Variants in SLC17A5 observed in about 807,000 individuals in gnomAD.
SLC17A5 encodes sialin.
Under a neutral mutation model 59.4 loss-of-function variants are expected in SLC17A5, and 47 were observed. The observed-to-expected ratio is 0.79, with a 90% CI of 0.63 to 1.01. The LOEUF is 1.01. SLC17A5 is among the 50% of genes least tolerant of loss of function. The probability of loss-of-function intolerance (pLI) is 0.00; values close to 1 mark genes in which losing one functional copy is unlikely to be tolerated. For missense variants in SLC17A5, 522 were observed against 595.5 expected (o/e 0.88, Z 1.28); for synonymous variants, 202 against 210.7 (o/e 0.96, Z 0.36).
intron 10 of SLC17A5, among the ~76,000 whole-genome samples, chr6:73,598,295 A>G (rs1382402335): frequency 6.6e-6 from 1 of 152,234 alleles, no homozygotes; most frequent in Non-Finnish European, 1.5e-5. Flanking sequence ...ATTTATTTAT[A>G]TGCTGACTCA....
intron 6 of SLC17A5, among the ~76,000 whole-genome samples, chr6:73,626,622 T>C (rs1029315859): frequency 6.6e-6 from 1 of 152,310 alleles, no homozygotes. Context: ...GAACTTTCCA[T>C]GATGATGGAA....
At chr6:73,639,312 G>A (rs1581985743) in intron 3 of SLC17A5, among the ~76,000 whole-genome samples, 1 of 152,120 alleles carries the variant, frequency 6.6e-6, no homozygotes, top group Non-Finnish European at 1.5e-5. Context: ...ACTTCAAGGC[G>A]GTTGCATAAT....
intron 1 of SLC17A5, among the ~76,000 whole-genome samples, chr6:73,648,842 C>G (rs1200593399): frequency 6.6e-6 from 1 of 151,880 alleles, no homozygotes; most frequent in African/African-American, 2.4e-5. Flanking sequence ...AAAGCAGCAG[C>G]ATGTACAGAG....
Position 73,595,097 on chromosome 6 carries a change from G to T in SLC17A5, c.1468C>A (p.His490Asn), listed in dbSNP as rs745377361. 3.7e-6 allele frequency: 6 copies of T among 1,614,112 alleles called. No individual in the cohort carries two copies. The highest frequency in any genetic ancestry group is 5.1e-6 in the Non-Finnish European group (6 of 1,179,998). ...GEVQNWALNDHHGHRH is the reference protein window; with the variant it reads ...GEVQNWALNDNHGHRH ...TTCCTTCAGTGTCTGTGTCCATGGT[G>T]ATCATTGAGAGCCCAGTTTTGTACT... The change falls in exon 11 of 11, where the codon CAC becomes AAC. Residue 490 changes from histidine to asparagine, a missense_variant. Coordinates refer to ENST00000355773, the MANE Select transcript of SLC17A5 (RefSeq NM_012434.5).
rs545501401 is a variant in SLC17A5 at position 73,622,526 on chromosome 6, T to C, written c.820-564A>G. Among the ~76,000 whole-genome samples the C allele has an allele frequency of 1.2e-4, 18 of 152,250 alleles. No individual in the cohort carries two copies. The South Asian group carries it at 3.7e-3, about 32-fold the overall frequency. ...CATGTTGGTTAGGCTGGTCTTGAAC[T>C]CCTGACTGCAAGTGATCCGACCCAA... On this transcript the variant is annotated intron_variant, in intron 6 of 10. Transcript: ENST00000355773.
intron 6 of SLC17A5, among the ~76,000 whole-genome samples, chr6:73,629,384 T>G (rs907694974): frequency 6.6e-6 from 1 of 151,718 alleles, no homozygotes; most frequent in Admixed American, 6.6e-5. Context: ...AGAACCAGAC[T>G]TTGTGTCAAA....
At chr6:73,632,435 T>A (rs972809220) in intron 6 of SLC17A5, among the ~76,000 whole-genome samples, 3 of 53,854 alleles carry the variant, frequency 5.6e-5, no homozygotes, top group Non-Finnish European at 9.6e-5. Flanking sequence ...TAGAGAAAGC[T>A]TTTTTTTTTT....
intron 10 of SLC17A5, among the ~76,000 whole-genome samples, chr6:73,596,724 C>T (rs1766821675): frequency 6.6e-6 from 1 of 152,034 alleles, no homozygotes; most frequent in Non-Finnish European, 1.5e-5. Flanking sequence ...GGCGTGGTGG[C>T]TGGTGCCTGT....
chr6:73,640,763 G>A (rs371003102), intron 3 of SLC17A5, among the ~76,000 whole-genome samples: 4 of 152,112 alleles, frequency 2.6e-5, no homozygotes, highest in Middle Eastern at 3.4e-3. Context: ...CAAAAGAAAA[G>A]TGGGAAGGAA....
chr6:73,653,648 G>A, intron 1 of SLC17A5, 145 bp downstream of exon 1: 1 of 987,450 alleles, frequency 1.0e-6, no homozygotes, highest in Non-Finnish European at 1.5e-6. Context: ...CACTCTGAAC[G>A]GGCTCCCCTC....
chr6:73,599,407 A>G (rs1766956913), intron 10 of SLC17A5, among the ~76,000 whole-genome samples: 2 of 152,246 alleles, frequency 1.3e-5, no homozygotes, highest in South Asian at 4.1e-4. Flanking sequence ...CATTAAACAA[A>G]TGCTGTAACA....
At chr6:73,641,409 C>A (rs528883558) in intron 3 of SLC17A5, among the ~76,000 whole-genome samples, 1 of 152,244 alleles carries the variant, frequency 6.6e-6, no homozygotes, top group South Asian at 2.1e-4. Flanking sequence ...GGTTTATTTT[C>A]TTCTCTCCTA....
chr6:73,603,816 C>T (rs2150080815), intron 9 of SLC17A5, among the ~76,000 whole-genome samples: 1 of 152,134 alleles, frequency 6.6e-6, no homozygotes, highest in South Asian at 2.1e-4. Flanking sequence ...TTCACATAAT[C>T]TTATACCTCC....
intron 1 of SLC17A5, among the ~76,000 whole-genome samples, chr6:73,651,009 G>C (rs1331119952): frequency 2.0e-5 from 3 of 152,150 alleles, no homozygotes; most frequent in African/African-American, 7.2e-5. Flanking sequence ...CAGTAAATCA[G>C]GAGGGCAGAA....
chr6:73,601,845 C>A (rs1422497330), intron 9 of SLC17A5, among the ~76,000 whole-genome samples: 73 of 148,996 alleles, frequency 4.9e-4, no homozygotes, highest in African/African-American at 1.6e-3. Context: ...CGGCCAGCCG[C>A]CCCGTCCGGG....
At chr6:73,643,448 C>A (rs1409254235) in intron 2 of SLC17A5, among the ~76,000 whole-genome samples, 1 of 150,852 alleles carries the variant, frequency 6.6e-6, no homozygotes, top group Non-Finnish European at 1.5e-5. Context: ...GTGTGAGCCA[C>A]CGCGCCCGGC....
rs80338795 is a variant in SLC17A5 at position 73,641,810 on chromosome 6, T to C, written c.406A>G (p.Lys136Glu). 141 of 1,614,010 alleles carry C rather than the reference T, an allele frequency of 8.7e-5. No homozygotes were observed. The highest frequency in any genetic ancestry group is 1.6e-4 in the Middle Eastern group (1 of 6,062). Residue 136 changes from lysine (K) to glutamate (E), a missense_variant, in exon 3 of 11, where the codon AAA becomes GAA. Coordinates refer to ENST00000355773, the MANE Select transcript of SLC17A5 (RefSeq NM_012434.5). ...GGYVASKIGG[K>E]MLLGFGILGT... ...AGGATCCCAAATCCTAGCAGCATTT[T>C]CCCCCCTATTTTGCTGGCAACATAT...
chr6:73,627,163 A>C (rs1768462166), intron 6 of SLC17A5, among the ~76,000 whole-genome samples: 2 of 146,882 alleles, frequency 1.4e-5, no homozygotes, highest in Non-Finnish European at 1.5e-5. Flanking sequence ...TGCAACCTCC[A>C]CCTCCCAGGT....
intron 8 of SLC17A5, among the ~76,000 whole-genome samples, chr6:73,613,523 G>A (rs1423651243): frequency 3.9e-5 from 6 of 151,996 alleles, no homozygotes; most frequent in Non-Finnish European, 7.4e-5. Context: ...TTGCCACCAC[G>A]CCCAGCTAAT....
Sources: gnomAD v4.1 joint callset for allele counts (sites outside exome capture counted in the v4.1 genomes callset) on GRCh38, gnomAD v4.1.1 for gene constraint, MANE v1.5 for transcripts, NCBI Gene and HGNC (gene_info 2026-07-23, HGNC 2026-07-21) for gene names.